C12orf42: variants seen among roughly 807,000 people sequenced by gnomAD.
C12orf42 encodes chromosome 12 open reading frame 42, also known as uncharacterized protein C12orf42.
Under a neutral mutation model 21.6 loss-of-function variants are expected in C12orf42, and 25 were observed. The ratio of observed to expected loss-of-function variants is 1.16; its 90% CI spans 0.84 to 1.62. C12orf42 has a LOEUF of 1.62. Among genes scored for constraint, C12orf42 ranks in the 40% most tolerant of loss-of-function variants. The pLI, the probability that C12orf42 is intolerant of heterozygous loss-of-function variation, is 0.00. For missense variants in C12orf42, 483 were observed against 459.3 expected (o/e 1.05, Z -0.47); for synonymous variants, 174 against 175.0 (o/e 0.99, Z 0.05).
At chr12:103,536,532 A>G in the C12orf42 span, among the ~76,000 whole-genome samples, 1 of 152,208 alleles carries the variant, frequency 6.6e-6, no homozygotes. Context: ...AAGGCCTTAA[A>G]GATGAACTCA....
Position 103,376,891 on chromosome 12 carries a change from C to T in C12orf42, c.148-7893G>A, listed in dbSNP as rs190235001. On this transcript the variant is annotated intron_variant, in intron 3 of 5. Coordinates refer to ENST00000548883, the MANE Select transcript of C12orf42 (RefSeq NM_198521.5). ...TCCCCTCTGTGTTCTCATTCTCTCT[C>T]TCTCTCTCACTCTCTCGCTCTCTTG... Among the ~76,000 whole-genome samples the T allele has an allele frequency of 5.3e-3, 810 of 151,840 alleles. 13 individuals are homozygous for T. The highest frequency in any genetic ancestry group is 0.019 in the African/African-American group (769 of 41,390).
chr12:103,404,394 T>C (rs769839197), intron 2 of C12orf42, among the ~76,000 whole-genome samples: 1 of 152,244 alleles, frequency 6.6e-6, no homozygotes, highest in Non-Finnish European at 1.5e-5. Context: ...GGGATATTCA[T>C]TGCCAGTCAT....
chr12:103,238,706 G>A (rs2033576695), intron 10 of C12orf42, among the ~76,000 whole-genome samples: 1 of 152,164 alleles, frequency 6.6e-6, no homozygotes, highest in African/African-American at 2.4e-5. Flanking sequence ...GAAAACAGAG[G>A]GGAATGAAGG....
intron 3 of C12orf42, among the ~76,000 whole-genome samples, chr12:103,388,491 C>A (rs77327560): frequency 6.6e-6 from 1 of 152,118 alleles, no homozygotes; most frequent in East Asian, 1.9e-4. Context: ...TCCCCAACCT[C>A]TTCTTTCTCT....
chr12:103,554,417 A>G, the C12orf42 span, among the ~76,000 whole-genome samples: 1 of 152,214 alleles, frequency 6.6e-6, no homozygotes, highest in Non-Finnish European at 1.5e-5. Context: ...AACATGCTAA[A>G]GACCAATAAT....
the C12orf42 span, among the ~76,000 whole-genome samples, chr12:103,148,245 A>G: frequency 2.6e-5 from 4 of 152,250 alleles, no homozygotes; most frequent in South Asian, 4.1e-4. Flanking sequence ...TTACAATTAA[A>G]AGGCCTTACT....
At chr12:103,145,801 G>A in the C12orf42 span, among the ~76,000 whole-genome samples, 1 of 152,164 alleles carries the variant, frequency 6.6e-6, no homozygotes, top group African/African-American at 2.4e-5. Flanking sequence ...ATTGAAAGAT[G>A]TTATGGAATT....
At chr12:103,256,135 C>T (rs1565998287) in intron 10 of C12orf42, among the ~76,000 whole-genome samples, 3 of 107,114 alleles carry the variant, frequency 2.8e-5, no homozygotes, top group Admixed American at 1.0e-4. Flanking sequence ...CACACACACA[C>T]ACACACACAC....
the C12orf42 span, among the ~76,000 whole-genome samples, chr12:103,061,236 G>A: frequency 6.6e-6 from 1 of 152,160 alleles, no homozygotes; most frequent in Non-Finnish European, 1.5e-5. Flanking sequence ...TTTAGTGCTG[G>A]GTGGTGTTGA....
chr12:103,317,326 C>G (rs1409993549), intron 4 of C12orf42, among the ~76,000 whole-genome samples: 1 of 152,178 alleles, frequency 6.6e-6, no homozygotes, highest in African/African-American at 2.4e-5. Flanking sequence ...CATGGGTCAG[C>G]CTCTCATCAT....
At chr12:103,252,368 C>A (rs1270189162) in intron 10 of C12orf42, among the ~76,000 whole-genome samples, 2 of 152,168 alleles carry the variant, frequency 1.3e-5, no homozygotes, top group Admixed American at 1.3e-4. Context: ...GGAATTGCCA[C>A]ACTGTCTTCC....
chr12:103,341,685 G>A (rs528064019), intron 4 of C12orf42, among the ~76,000 whole-genome samples: 3 of 152,284 alleles, frequency 2.0e-5, no homozygotes, highest in African/African-American at 7.2e-5. Flanking sequence ...AATAGACAGA[G>A]ATGTCAGATT....
chr12:103,085,659 A>G, the C12orf42 span, among the ~76,000 whole-genome samples: 34 of 152,238 alleles, frequency 2.2e-4, no homozygotes, highest in African/African-American at 7.0e-4. Flanking sequence ...TACAAGTTCA[A>G]TGGTAATCTA....
At chr12:103,494,862 G>A (rs1955413949) in intron 1 of C12orf42, among the ~76,000 whole-genome samples, 1 of 152,170 alleles carries the variant, frequency 6.6e-6, no homozygotes, top group African/African-American at 2.4e-5. Context: ...AGGAGGTTAC[G>A]TGAATGGGAG....
chr12:103,486,409 A>G (rs1339629441), intron 1 of C12orf42, among the ~76,000 whole-genome samples: 2 of 152,026 alleles, frequency 1.3e-5, no homozygotes, highest in Non-Finnish European at 2.9e-5. Context: ...ATCAATGTCC[A>G]TCAGGGATAT....
At chr12:103,393,529 A>G (rs563022714) in intron 3 of C12orf42, among the ~76,000 whole-genome samples, 11 of 152,208 alleles carry the variant, frequency 7.2e-5, no homozygotes, top group Non-Finnish European at 1.5e-4. Flanking sequence ...GCTGCTTGCA[A>G]ATAAGGCTCT....
chr12:103,548,765 C>T, the C12orf42 span: 1 of 152,160 alleles, frequency 6.6e-6, no homozygotes, highest in African/African-American at 2.4e-5. Flanking sequence ...CATCTCCGAC[C>T]ACACATCCTC....
At chr12:103,491,496 T>C (rs899914805) in intron 1 of C12orf42, among the ~76,000 whole-genome samples, 1 of 152,218 alleles carries the variant, frequency 6.6e-6, no homozygotes, top group African/African-American at 2.4e-5. Flanking sequence ...AAGCCTTATA[T>C]CTAATGGACC....
At chr12:103,441,998 G>T (rs1221078181) in intron 2 of C12orf42, among the ~76,000 whole-genome samples, 1 of 151,966 alleles carries the variant, frequency 6.6e-6, no homozygotes. Flanking sequence ...TTAAAAATTA[G>T]CTAGGCTTGG....
Sources: gnomAD v4.1 joint callset for allele counts (sites outside exome capture counted in the v4.1 genomes callset) on GRCh38, gnomAD v4.1.1 for gene constraint, MANE v1.5 for transcripts, NCBI Gene and HGNC (gene_info 2026-07-23, HGNC 2026-07-21) for gene names.